Variants in PLEKHA6 observed in about 807,000 individuals in gnomAD.
PLEKHA6 encodes the protein pleckstrin homology domain-containing family A member 6.
Under a neutral mutation model 116.7 loss-of-function variants are expected in PLEKHA6, and 60 were observed. That is an observed-to-expected ratio of 0.51 (90% CI 0.42 to 0.64). The LOEUF is 0.64. Ranked by LOEUF, PLEKHA6 falls within the 30% of genes least tolerant of loss-of-function variation. The pLI is 0.00. For missense variants in PLEKHA6, 1,338 were observed against 1,422.7 expected (o/e 0.94, Z 0.96); for synonymous variants, 489 against 556.1 (o/e 0.88, Z 1.70).
chr1:204,285,506 T>C (rs1268936922), intron 1 of PLEKHA6, among the ~76,000 whole-genome samples: 1 of 152,020 alleles, frequency 6.6e-6, no homozygotes, highest in Non-Finnish European at 1.5e-5. Context: ...GACACGTTCT[T>C]GTTCTGTATC....
chr1:204,334,331 A>G (rs1433552009), intron 1 of PLEKHA6, among the ~76,000 whole-genome samples: 1 of 152,190 alleles, frequency 6.6e-6, no homozygotes, highest in East Asian at 1.9e-4. Flanking sequence ...TTGTCCTAAG[A>G]GAGGGAGTCA....
At chr1:204,253,451 G>A (rs947628178) in intron 9 of PLEKHA6, among the ~76,000 whole-genome samples, 1 of 152,132 alleles carries the variant, frequency 6.6e-6, no homozygotes, top group Non-Finnish European at 1.5e-5. Flanking sequence ...GAACCCTGGG[G>A]GCGAAGCCTA....
chr1:204,325,115 C>T (rs1672197092), intron 1 of PLEKHA6, among the ~76,000 whole-genome samples: 2 of 152,054 alleles, frequency 1.3e-5, no homozygotes, highest in South Asian at 4.2e-4. Context: ...ACTTCAGTTA[C>T]CCCAATTGCA....
intron 1 of PLEKHA6, among the ~76,000 whole-genome samples, chr1:204,325,383 A>G (rs1056698226): frequency 5.9e-5 from 9 of 152,230 alleles, no homozygotes; most frequent in African/African-American, 2.2e-4. Flanking sequence ...CAGTTTGCCC[A>G]GGACTTTCAG....
chr1:204,333,132 G>A (rs1672519533), intron 1 of PLEKHA6, among the ~76,000 whole-genome samples: 1 of 152,212 alleles, frequency 6.6e-6, no homozygotes, highest in Non-Finnish European at 1.5e-5. Flanking sequence ...AGAGCCAGAG[G>A]CCCCCAGCTC....
chr1:204,265,961 G>C (rs1017068430), intron 5 of PLEKHA6, among the ~76,000 whole-genome samples: 1 of 152,192 alleles, frequency 6.6e-6, no homozygotes, highest in Admixed American at 6.5e-5. Context: ...TGGGACAGTG[G>C]GGGGGACAAT....
At chr1:204,240,046 G>A (rs777458924) in intron 17 of PLEKHA6, among the ~76,000 whole-genome samples, 20 of 152,116 alleles carry the variant, frequency 1.3e-4, no homozygotes, top group Non-Finnish European at 2.8e-4. Context: ...TAGATTCCTC[G>A]TACCTTTAAA....
At chr1:204,325,288 C>A (rs951277933) in intron 1 of PLEKHA6, among the ~76,000 whole-genome samples, 1 of 152,102 alleles carries the variant, frequency 6.6e-6, no homozygotes, top group African/African-American at 2.4e-5. Flanking sequence ...ATGTTTCCTG[C>A]AATTAAAGCA....
intron 5 of PLEKHA6, among the ~76,000 whole-genome samples, chr1:204,266,901 A>G (rs1170196051): frequency 6.6e-6 from 1 of 152,104 alleles, no homozygotes; most frequent in Non-Finnish European, 1.5e-5. Flanking sequence ...ACTTTTAAAA[A>G]TAGAGAGTAG....
intron 15 of PLEKHA6, 69 bp downstream of exon 15, chr1:204,244,795 A>G (rs1225746399): frequency 8.2e-7 from 1 of 1,225,040 alleles, no homozygotes. Context: ...CAGAAGTTGT[A>G]TAGTTTCAGA....
intron 1 of PLEKHA6, among the ~76,000 whole-genome samples, chr1:204,283,090 C>G (rs940727095): frequency 2.0e-5 from 3 of 152,222 alleles, no homozygotes; most frequent in African/African-American, 4.8e-5. Context: ...CCCAGCTGTC[C>G]GCCGCCGGGT....
intron 1 of PLEKHA6, among the ~76,000 whole-genome samples, chr1:204,314,607 G>A (rs1671785329): frequency 6.6e-6 from 1 of 152,224 alleles, no homozygotes. Flanking sequence ...ACTCTCAGGT[G>A]TCAGATGAGT....
chr1:204,269,942 C>T (rs1190042396), intron 3 of PLEKHA6, among the ~76,000 whole-genome samples: 1 of 152,154 alleles, frequency 6.6e-6, no homozygotes, highest in African/African-American at 2.4e-5. Context: ...TTCAATACAC[C>T]CAATGTCCAC....
intron 1 of PLEKHA6, chr1:204,309,759 T>C (rs1357559038): frequency 1.2e-6 from 1 of 857,154 alleles, no homozygotes; most frequent in Non-Finnish European, 1.4e-6. Flanking sequence ...AGAAATAATT[T>C]ATGTTAACTA....
rs150890951 is a variant in PLEKHA6, at chr1:204,230,442, C to G, written c.2554G>C (p.Asp852His). The part of the protein sequence containing the change: ...SLQLPASPAP[D>H]PSPRPAYKVV... ...TTGTAGGCTGGCCGGGGACTGGGGT[C>G]GGGGGCCGGGCTGGCCGGGAGCTGC... Residue 852 changes from aspartate (D) to histidine (H), a missense_variant, in exon 18 of 23, where the codon GAC becomes CAC. Transcript: ENST00000272203. 1 of 1,584,804 alleles carries G rather than the reference C, an allele frequency of 6.3e-7. No individual in the cohort carries two copies. The highest frequency in any genetic ancestry group is 1.3e-5 in the African/African-American group (1 of 74,652).
At chr1:204,336,772 T>C (rs187679196) in intron 1 of PLEKHA6, among the ~76,000 whole-genome samples, 30 of 152,318 alleles carry the variant, frequency 2.0e-4, no homozygotes, top group Admixed American at 5.2e-4. Flanking sequence ...TGAAGATTTG[T>C]CAAACTCCAG....
At chr1:204,365,021 G>T (rs1275722003) in intron 3 of PLEKHA6, among the ~76,000 whole-genome samples, 6 of 152,154 alleles carry the variant, frequency 3.9e-5, no homozygotes, top group Non-Finnish European at 8.8e-5. Flanking sequence ...TCTCAGGTGG[G>T]CATGAGCCAC....
chr1:204,296,194 G>A (rs904036296), intron 1 of PLEKHA6, among the ~76,000 whole-genome samples: 1 of 152,042 alleles, frequency 6.6e-6, no homozygotes, highest in Non-Finnish European at 1.5e-5. Context: ...CCTTGGAAGG[G>A]GCCAGTGCAA....
chr1:204,314,762 A>G (rs1214159133), intron 1 of PLEKHA6, among the ~76,000 whole-genome samples: 2 of 152,112 alleles, frequency 1.3e-5, no homozygotes, highest in African/African-American at 4.8e-5. Context: ...TACCTCCACA[A>G]TGGCGCAGGG....
Sources: allele counts gnomAD v4.1 joint callset (sites outside exome capture counted in the v4.1 genomes callset), GRCh38; gene constraint gnomAD v4.1.1; transcripts MANE v1.5; gene names NCBI Gene and HGNC (gene_info 2026-07-23, HGNC 2026-07-21).